Variants in PRR14L observed in about 807,000 individuals in gnomAD.
The protein encoded by PRR14L is proline rich 14 like, also known as protein PRR14L.
Under a neutral mutation model 155.0 loss-of-function variants are expected in PRR14L, and 80 were observed. That is an observed-to-expected ratio of 0.52 (90% CI 0.43 to 0.62). The LOEUF (loss-of-function observed/expected upper bound fraction) is 0.62, where lower values mean the gene tolerates loss of function less well. Ranked by LOEUF, PRR14L falls within the 20% of genes least tolerant of loss-of-function variation. The pLI, the probability that PRR14L is intolerant of heterozygous loss-of-function variation, is 0.00. For missense variants in PRR14L, 2,469 were observed against 2,548.0 expected (o/e 0.97, Z 0.67); for synonymous variants, 883 against 916.0 (o/e 0.96, Z 0.65).
intron 4 of PRR14L, among the ~76,000 whole-genome samples, chr22:31,710,429 T>C (rs921391817): frequency 1.3e-5 from 2 of 152,088 alleles, no homozygotes; most frequent in Admixed American, 1.3e-4. Flanking sequence ...AGAGTTTATC[T>C]ATCATGTGTA....
intron 6 of PRR14L, among the ~76,000 whole-genome samples, chr22:31,702,717 T>C (rs927779296): frequency 1.3e-5 from 2 of 152,122 alleles, no homozygotes; most frequent in African/African-American, 4.8e-5. Context: ...GGTTTCACCA[T>C]ACTGGCCAGG....
chr22:31,713,715 G>A lies in PRR14L; in HGVS notation c.4124C>T (p.Thr1375Ile). The A allele has an allele frequency of 6.4e-7, 1 of 1,552,324 alleles. No homozygotes were observed. The highest frequency in any genetic ancestry group is 2.4e-5 in the East Asian group (1 of 40,930). Residue 1375 changes from threonine (T) to isoleucine (I), a missense_variant, in exon 4 of 9, where the codon ACC becomes ATC. Physicochemically the swap from Thr to Ile is moderately conservative, Grantham distance 89. This residue lies in a region of PRR14L where 2,363 missense variants were observed against 2,371.6 expected (regional missense o/e 1.00). Transcript: ENST00000327423. Reference protein sequence around the residue: ...DGDPVSNISQTHFKCRGILNH... With the variant: ...DGDPVSNISQIHFKCRGILNH... Reference sequence around the variant, plus strand: ...AAGTATCCCCCGGCATTTAAAATGGGTCTGAGAGATGTTGCTCACGGGATC... The same window carrying A: ...AAGTATCCCCCGGCATTTAAAATGGATCTGAGAGATGTTGCTCACGGGATC...
rs780328134 is a variant in PRR14L, at chr22:31,717,203, A to G, written c.636T>C (p.Asn212=). ...MKVNGTKTDN[N]EGHKNGNVSK... ...TCACATTGCCATTTTTGTGTCCTTC[A>G]TTATTATCCGTCTTAGTCCCATTGA... The change falls in exon 4 of 9, where the codon AAT becomes AAC. Residue 212 remains asparagine, a synonymous_variant. Transcript: ENST00000327423. 3 of 1,551,982 alleles carry G rather than the reference A, an allele frequency of 1.9e-6. No homozygotes were observed. The highest frequency in any genetic ancestry group is 1.7e-4 in the Middle Eastern group (1 of 6,014).
chr22:31,716,845 C>T lies in PRR14L; in HGVS notation c.994G>A (p.Ala332Thr). Residue 332 changes from alanine (A) to threonine (T), a missense_variant, in exon 4 of 9, where the codon GCC (alanine) becomes ACC (threonine). By Grantham distance (58) the Ala-to-Thr change is moderately conservative. Coordinates refer to ENST00000327423, the MANE Select transcript of PRR14L (RefSeq NM_173566.3). ...GAATTTTCTTTCAAAGGGCTTGTGG[C>T]TGTGGGACTATCATGTGTAGAACTG... ...QPSSTHDSPT[A>T]TSPLKENSEV... 1.3e-6 allele frequency: 2 copies of T among 1,551,948 alleles called. No individual in the cohort carries two copies. The highest frequency in any genetic ancestry group is 1.4e-5 in the African/African-American group (1 of 73,176).
intron 2 of PRR14L, 102 bp downstream of exon 2, chr22:31,738,285 G>A: frequency 1.0e-6 from 1 of 993,658 alleles, no homozygotes. Context: ...TTTCGGAAAT[G>A]TTTCAAGAAT....
At chr22:31,691,882 T>C (rs910569282) in intron 7 of PRR14L, among the ~76,000 whole-genome samples, 2 of 152,114 alleles carry the variant, frequency 1.3e-5, no homozygotes, top group African/African-American at 4.8e-5. Context: ...CTTTTTTTTT[T>C]TTTGAGACAG....
intron 2 of PRR14L, among the ~76,000 whole-genome samples, chr22:31,735,541 CAT>C (rs776234131): frequency 4.6e-5 from 7 of 150,628 alleles, no homozygotes; most frequent in African/African-American, 9.8e-5. Context: ...CACATATATA[CAT>C]GTGTGTGTTC....
Position 31,738,762 on chromosome 22 carries a change from G to T in PRR14L, c.99C>A (p.Ser33=). The T allele has an allele frequency of 6.4e-7, 1 of 1,551,894 alleles. No individual in the cohort carries two copies. Among genetic ancestry groups the T allele is most frequent in the Non-Finnish European group, 8.7e-7 (1 of 1,147,044 alleles). Residue 33 remains serine, a synonymous_variant, in exon 2 of 9, where the codon TCC becomes TCA. Coordinates refer to ENST00000327423, the MANE Select transcript of PRR14L (RefSeq NM_173566.3). ...GCTCAGGGTCAGCATGAAGCTCTCT[G>T]GAGACACTTACTGGGAGTTCAGAGT... is the stretch of plus-strand genomic sequence containing the variant. ...ELYSELPVSV[S]RELHADPEPS...
At chr22:31,695,519 T>G (rs1245566266) in intron 7 of PRR14L, among the ~76,000 whole-genome samples, 2 of 152,160 alleles carry the variant, frequency 1.3e-5, no homozygotes, top group Non-Finnish European at 2.9e-5. Context: ...ACCACTTTGC[T>G]GCAGGCTTCC....
intron 8 of PRR14L, among the ~76,000 whole-genome samples, chr22:31,686,741 G>T (rs1479446160): frequency 1.3e-5 from 2 of 151,482 alleles, no homozygotes; most frequent in Non-Finnish European, 2.9e-5. Flanking sequence ...GCTCTGATTC[G>T]TTTTTTTTAA....
At chr22:31,749,358 G>T (rs1237529366) in intron 1 of PRR14L, among the ~76,000 whole-genome samples, 1 of 152,152 alleles carries the variant, frequency 6.6e-6, no homozygotes, top group African/African-American at 2.4e-5. Flanking sequence ...TGGACATCAC[G>T]AGGGGAGAGG....
At chr22:31,741,026 G>A (rs1009848867) in intron 1 of PRR14L, among the ~76,000 whole-genome samples, 2 of 151,876 alleles carry the variant, frequency 1.3e-5, no homozygotes, top group Non-Finnish European at 2.9e-5. Flanking sequence ...GGCCGAGAGG[G>A]GCGGATCACG....
At position 31,684,435 on chromosome 22, in the gene PRR14L, G is replaced by C. The variant is rs2074471709; in HGVS notation, c.*1092C>G. 6.6e-6 allele frequency: 1 copy of C among 152,212 alleles called. No individual in the cohort carries two copies. Among genetic ancestry groups the C allele is most frequent in the African/African-American group, 2.4e-5 (1 of 41,452 alleles). The allele number at this position is 152,212 out of a possible 1,614,324, so 9.4% of individuals were successfully genotyped here. ...TGGGTCAGCCTGTATCACTGCCCAAGCCGTTGTACTCAATTTTGTTACCTA... is the reference window on the plus strand; with the variant it reads ...TGGGTCAGCCTGTATCACTGCCCAACCCGTTGTACTCAATTTTGTTACCTA... On this transcript the variant is annotated 3_prime_UTR_variant, in exon 9 of 9. Transcript: ENST00000327423.
chr22:31,746,181 C>T (rs746700407), intron 1 of PRR14L, among the ~76,000 whole-genome samples: 1 of 152,148 alleles, frequency 6.6e-6, no homozygotes. Context: ...CCTCCCACCT[C>T]GGCCTCCCAG....
rs941829959 is a variant in PRR14L at position 31,703,667 on chromosome 22, T to C, written c.5883A>G (p.Ser1961=). 2.5e-6 allele frequency: 4 copies of C among 1,611,870 alleles called. No homozygotes were observed. In the African/African-American group the frequency reaches 5.3e-5, roughly 22 times the overall value. The part of the protein sequence containing the change: ...LVPKSCLVAE[S]AVSKLLLSAS... ...CTGAAAGCAGGAGCTTGCTGACAGC[T>C]GATTCTGCTACCAAGCAAGACTTTG... The change falls in exon 6 of 9, where the codon TCA becomes TCG. Residue 1961 remains serine (S), a synonymous_variant. Transcript: ENST00000327423.
Position 31,712,920 on chromosome 22 carries a change from C to G in PRR14L, c.4919G>C (p.Cys1640Ser), listed in dbSNP as rs1301321729. The G allele has an allele frequency of 3.2e-6, 5 of 1,551,848 alleles. No individual in the cohort carries two copies. The highest frequency in any genetic ancestry group is 1.7e-4 in the Middle Eastern group (1 of 5,992). ...AGCCATTGGAAGAAGTTCAGAGGAA[C>G]ACCGTCGGTATCTTAGCTTCTGAGT... The part of the protein sequence containing the change: ...MKTQKLRYRR[C>S]SSELLPMAKS... The change falls in exon 4 of 9, where the codon TGT becomes TCT. Residue 1640 changes from cysteine to serine, a missense_variant. Physicochemically the swap from Cys to Ser is moderately radical, Grantham distance 112. This residue lies in a region of PRR14L where 2,363 missense variants were observed against 2,371.6 expected (regional missense o/e 1.00). Coordinates refer to ENST00000327423, the MANE Select transcript of PRR14L (RefSeq NM_173566.3).
At chr22:31,718,739 A>C (rs2147866647) in intron 3 of PRR14L, among the ~76,000 whole-genome samples, 1 of 148,590 alleles carries the variant, frequency 6.7e-6, no homozygotes, top group East Asian at 1.9e-4. Flanking sequence ...TATATAAAAA[A>C]CAGGACAACT....
At chr22:31,734,925 C>G (rs751395984) in intron 2 of PRR14L, among the ~76,000 whole-genome samples, 3 of 152,180 alleles carry the variant, frequency 2.0e-5, no homozygotes, top group Non-Finnish European at 4.4e-5. Flanking sequence ...TTGGCTTTTC[C>G]TGGAACAAAG....
In PRR14L at chr22:31,684,076, A is replaced by G. The variant is rs1363565409; in HGVS notation, c.*1451T>C. Reference sequence around the variant, plus strand: ...TCTCTAAACTCTTGTTTTGAGAGAGAAAGAGAAACCCCTAGAGAAGGAGGG... The same window carrying G: ...TCTCTAAACTCTTGTTTTGAGAGAGGAAGAGAAACCCCTAGAGAAGGAGGG... On this transcript the variant is annotated 3_prime_UTR_variant, in exon 9 of 9. Coordinates refer to ENST00000327423, the MANE Select transcript of PRR14L (RefSeq NM_173566.3). 6.6e-6 allele frequency: 1 copy of G among 152,156 alleles called. No individual in the cohort carries two copies. The highest frequency in any genetic ancestry group is 1.5e-5 in the Non-Finnish European group (1 of 68,074). 9.4% of individuals were successfully genotyped at this position (152,156 alleles called of 1,614,324 possible).
Sources: allele counts gnomAD v4.1 joint callset (sites outside exome capture counted in the v4.1 genomes callset), GRCh38; gene constraint gnomAD v4.1.1; regional missense constraint gnomAD v4.1.1; transcripts MANE v1.5; gene names NCBI Gene and HGNC (gene_info 2026-07-23, HGNC 2026-07-21).